The following ACACA variants were observed in gnomAD, a reference collection of about 807,000 sequenced individuals.
ACACA encodes acetyl-CoA carboxylase 1.
A neutral mutation model predicts 296.1 loss-of-function variants in ACACA; 103 were observed. The observed-to-expected ratio is 0.35, with a 90% CI of 0.30 to 0.41. ACACA has a LOEUF of 0.41. Ranked by LOEUF, ACACA falls within the 10% of genes least tolerant of loss-of-function variation. The probability of loss-of-function intolerance (pLI) is 1.00; values close to 1 mark genes in which losing one functional copy is unlikely to be tolerated. For synonymous variants in ACACA, 953 were observed against 1,038.6 expected, an observed-to-expected ratio of 0.92 and a Z score of 1.58; for missense variants, 1,554 against 2,989.7, an observed-to-expected ratio of 0.52 and a Z score of 11.20.
intron 3 of ACACA, among the ~76,000 whole-genome samples, chr17:37,291,143 T>TACACACACACACACACACAC (rs71159701): frequency 0.025 from 3,401 of 136,850 alleles, 158 homozygotes; most frequent in African/African-American, 0.085. Context: ...GAAAAACACA[T>TACACACACACACACACACAC]ACACACACAC....
rs184463978 is a variant in ACACA, at chr17:37,085,489, A to G, written c.*1827T>C. ...GGGATTTGATTTATTGCAAAAAAGC[A>G]TAGAAGAATAATCTGGTCAAAAATG... On this transcript the variant is annotated 3_prime_UTR_variant, in exon 56 of 56. Coordinates refer to ENST00000616317, the MANE Select transcript of ACACA (RefSeq NM_198834.3). 1 of 397,842 alleles carries G rather than the reference A, an allele frequency of 2.5e-6. No homozygotes were observed. The highest frequency in any genetic ancestry group is 4.4e-6 in the Non-Finnish European group (1 of 226,044). 24.6% of individuals were successfully genotyped at this position (397,842 alleles called of 1,614,324 possible).
intron 50 of ACACA, among the ~76,000 whole-genome samples, chr17:37,120,471 CCAGGATGGTCT>C (rs1185304665): frequency 1.2e-4 from 18 of 150,458 alleles, no homozygotes; most frequent in Non-Finnish European, 1.5e-5. Context: ...ACCATGTTGA[CCAGGATGGTCT>C]CAAACTCCTG....
chr17:37,160,601 A>G (rs917448151), intron 42 of ACACA, among the ~76,000 whole-genome samples: 15 of 152,200 alleles, frequency 9.9e-5, no homozygotes, highest in Admixed American at 9.2e-4. Context: ...ATCAAAGTTC[A>G]GCTGGGCAGG....
At chr17:37,373,950 G>A (rs185023471) in intron 1 of ACACA, among the ~76,000 whole-genome samples, 2 of 152,216 alleles carry the variant, frequency 1.3e-5, no homozygotes, top group Admixed American at 1.3e-4. Context: ...AGAGGCAAGA[G>A]GGTGGGGAGG....
chr17:37,172,635 C>T (rs990808556), intron 41 of ACACA, among the ~76,000 whole-genome samples: 1 of 152,116 alleles, frequency 6.6e-6, no homozygotes, highest in Non-Finnish European at 1.5e-5. Context: ...TTTCTCTATA[C>T]TTAATCTCAA....
chr17:37,194,303 A>G (rs1179998600), intron 35 of ACACA, among the ~76,000 whole-genome samples: 1 of 152,196 alleles, frequency 6.6e-6, no homozygotes, highest in Non-Finnish European at 1.5e-5. Context: ...AGCTGCCTAC[A>G]CATCCTCAAT....
At position 37,267,637 on chromosome 17, in the gene ACACA, G is replaced by A. The variant is rs2081849697; in HGVS notation, c.1119+3114C>T. On this transcript the variant is annotated intron_variant, in intron 10 of 55. Transcript: ENST00000616317. ...ATGCAGTGGCATGACCATAGCTCAA[G>A]GCAGCCTCAAACTCCTGGGCTCAAG... Among the ~76,000 whole-genome samples the A allele has an allele frequency of 2.0e-5, 3 of 151,834 alleles. No individual in the cohort carries two copies. In the South Asian group the frequency reaches 6.3e-4, roughly 32 times the overall value.
intron 3 of ACACA, chr17:37,299,545 T>C: frequency 1.4e-6 from 2 of 1,415,472 alleles, no homozygotes; most frequent in Non-Finnish European, 1.8e-6. Context: ...TTCCCCACCT[T>C]TCTCTTCCTT....
In ACACA at chr17:37,088,206, A is replaced by G. The variant is rs527762963; in HGVS notation, c.7028+732T>C. ...AGATATCAGATAAAAGTTTTTAATCAATGTTAAATTTACAAAAGTGGATCA... is the reference window on the plus strand; with the variant it reads ...AGATATCAGATAAAAGTTTTTAATCGATGTTAAATTTACAAAAGTGGATCA... On this transcript the variant is annotated intron_variant, in intron 55 of 55. Transcript: ENST00000616317. 2.0e-5 allele frequency among the ~76,000 whole-genome samples: 3 copies of G among 152,324 alleles called. No homozygotes were observed. In the East Asian group the frequency reaches 5.8e-4, roughly 29 times the overall value.
intron 22 of ACACA, among the ~76,000 whole-genome samples, chr17:37,242,709 C>T (rs1016203978): frequency 6.0e-5 from 9 of 150,678 alleles, no homozygotes; most frequent in South Asian, 2.1e-4. Flanking sequence ...CCAGCCTTGG[C>T]GACAGAGCAA....
At chr17:37,111,937 G>GT (rs1336294877) in intron 51 of ACACA, among the ~76,000 whole-genome samples, 2 of 152,112 alleles carry the variant, frequency 1.3e-5, no homozygotes, top group Non-Finnish European at 2.9e-5. Context: ...GCTGATAAGA[G>GT]TAACAGGAAT....
chr17:37,367,032 G>A (rs2049630608), intron 1 of ACACA: 1 of 151,974 alleles, frequency 6.6e-6, no homozygotes. Flanking sequence ...AGGTTGCAGT[G>A]AGCCAAGATC....
chr17:37,257,618 T>C (rs2081281327), intron 14 of ACACA, 85 bp downstream of exon 14: 2 of 1,352,908 alleles, frequency 1.5e-6, no homozygotes, highest in African/African-American at 1.4e-5. Flanking sequence ...TGACAGCAGA[T>C]GATTCCTATT....
chr17:37,320,452 A>G (rs993530220), intron 3 of ACACA, among the ~76,000 whole-genome samples: 3 of 151,098 alleles, frequency 2.0e-5, no homozygotes, highest in African/African-American at 7.3e-5. Flanking sequence ...CAGAGGTTGC[A>G]GTGAGCCGAG....
chr17:37,162,878 A>T (rs1250826517), intron 41 of ACACA: 4 of 163,984 alleles, frequency 2.4e-5, no homozygotes, highest in African/African-American at 9.6e-5. Flanking sequence ...CTCCCGTAGC[A>T]GCACCTACAA....
At chr17:37,132,511 T>C (rs1406542977) in intron 45 of ACACA, among the ~76,000 whole-genome samples, 2 of 152,224 alleles carry the variant, frequency 1.3e-5, no homozygotes, top group Admixed American at 6.5e-5. Flanking sequence ...TTCAGTGTGA[T>C]CAGCAGTATT....
At chr17:37,223,040 A>G (rs1419881349) in intron 28 of ACACA, among the ~76,000 whole-genome samples, 1 of 152,204 alleles carries the variant, frequency 6.6e-6, no homozygotes, top group Non-Finnish European at 1.5e-5. Context: ...AAGATAAAAT[A>G]CCTAAAACAC....
intron 41 of ACACA, among the ~76,000 whole-genome samples, chr17:37,175,004 C>T (rs1035346770): frequency 6.6e-6 from 1 of 152,072 alleles, no homozygotes; most frequent in Non-Finnish European, 1.5e-5. Flanking sequence ...CTCATTATGA[C>T]AGGCATGATG....
intron 3 of ACACA, among the ~76,000 whole-genome samples, chr17:37,301,820 C>T (rs1006360867): frequency 2.6e-5 from 4 of 151,910 alleles, no homozygotes; most frequent in Non-Finnish European, 4.4e-5. Flanking sequence ...ATTTTAGGAT[C>T]GGCTTGTCAA....
Sources: gnomAD v4.1 joint callset for allele counts (sites outside exome capture counted in the v4.1 genomes callset) on GRCh38, gnomAD v4.1.1 for gene constraint, MANE v1.5 for transcripts, NCBI Gene and HGNC (gene_info 2026-07-23, HGNC 2026-07-21) for gene names.